UBTD1: variants seen among roughly 807,000 people sequenced by gnomAD.
UBTD1 encodes ubiquitin domain containing 1.
In UBTD1, 19 loss-of-function variants were observed where a neutral mutation model predicts 21.7. That is an observed-to-expected ratio of 0.87 (90% CI 0.61 to 1.28). The LOEUF (loss-of-function observed/expected upper bound fraction) is 1.28, where lower values mean the gene tolerates loss of function less well. UBTD1 is among the 50% of genes most tolerant of loss of function. The probability of loss-of-function intolerance (pLI) is 0.00; values close to 1 mark genes in which losing one functional copy is unlikely to be tolerated. For missense variants in UBTD1, 282 were observed against 315.1 expected (o/e 0.89, Z 0.80); for synonymous variants, 116 against 135.1 (o/e 0.86, Z 0.98).
intron 1 of UBTD1, among the ~76,000 whole-genome samples, chr10:97,563,780 G>A (rs756684877): frequency 2.6e-4 from 39 of 152,242 alleles, no homozygotes; most frequent in Middle Eastern, 6.8e-3. Context: ...ACAAGTTTTC[G>A]GGGTGCAGTC....
chr10:97,528,870 C>T (rs1268892686), intron 1 of UBTD1, among the ~76,000 whole-genome samples: 20 of 147,104 alleles, frequency 1.4e-4, no homozygotes, highest in East Asian at 6.2e-4. Context: ...CCTCACCTCC[C>T]GGATGGGGCG....
intron 1 of UBTD1, among the ~76,000 whole-genome samples, chr10:97,555,851 C>T (rs2040661699): frequency 1.3e-5 from 2 of 152,192 alleles, no homozygotes; most frequent in Admixed American, 1.3e-4. Flanking sequence ...GGCTGCCTGT[C>T]TTTGGTTTTA....
intron 1 of UBTD1, among the ~76,000 whole-genome samples, chr10:97,505,144 A>G (rs114153701): frequency 8.5e-5 from 13 of 152,200 alleles, no homozygotes; most frequent in Admixed American, 7.2e-4. Context: ...TGTGGATTCC[A>G]GGCATCTCTT....
chr10:97,499,334 G>A (rs1420329537), intron 1 of UBTD1, 61 bp downstream of exon 1: 1 of 1,524,430 alleles, frequency 6.6e-7, no homozygotes, highest in South Asian at 1.2e-5. Context: ...CTCCTCGCCC[G>A]AGTCCTGGGC....
chr10:97,521,421 C>T (rs1366347574), intron 1 of UBTD1, among the ~76,000 whole-genome samples: 5 of 152,182 alleles, frequency 3.3e-5, no homozygotes, highest in South Asian at 2.1e-4. Flanking sequence ...AGTGGTCTGA[C>T]GTGGGAACGG....
intron 1 of UBTD1, among the ~76,000 whole-genome samples, chr10:97,548,178 G>C (rs897161111): frequency 6.6e-6 from 1 of 152,224 alleles, no homozygotes; most frequent in Non-Finnish European, 1.5e-5. Context: ...TGAGTAGCCA[G>C]ATTGCAGAGA....
At chr10:97,551,138 T>G (rs2040635062) in intron 1 of UBTD1, among the ~76,000 whole-genome samples, 1 of 152,202 alleles carries the variant, frequency 6.6e-6, no homozygotes, top group South Asian at 2.1e-4. Context: ...TGAGAATCTG[T>G]CTTTTGAACC....
chr10:97,567,831 C>T, intron 1 of UBTD1, 83 bp from the exon 2 acceptor site: 1 of 1,345,574 alleles, frequency 7.4e-7, no homozygotes, highest in Non-Finnish European at 1.0e-6. Flanking sequence ...AGGGTCTGGC[C>T]TGGGGAGGGG....
chr10:97,564,755 G>A (rs1182745657), intron 1 of UBTD1, among the ~76,000 whole-genome samples: 1 of 152,094 alleles, frequency 6.6e-6, no homozygotes, highest in East Asian at 1.9e-4. Context: ...GTAGAGATGG[G>A]ATTTCACAGT....
intron 1 of UBTD1, among the ~76,000 whole-genome samples, chr10:97,515,607 T>C (rs183007639): frequency 1.3e-5 from 2 of 152,194 alleles, no homozygotes. Context: ...CCCTGTTAGA[T>C]TCTCCCTCTC....
chr10:97,558,359 T>G (rs376948543), intron 1 of UBTD1, among the ~76,000 whole-genome samples: 116 of 152,314 alleles, frequency 7.6e-4, no homozygotes, highest in African/African-American at 2.5e-3. Flanking sequence ...TGATGTCCTT[T>G]GGTATTTATT....
chr10:97,519,127 G>A (rs950586946), intron 1 of UBTD1, among the ~76,000 whole-genome samples: 33 of 152,188 alleles, frequency 2.2e-4, no homozygotes, highest in Admixed American at 1.3e-4. Context: ...TCAAGTTTTC[G>A]TTTTCTCTAG....
chr10:97,544,496 A>G (rs1297214505), intron 1 of UBTD1, among the ~76,000 whole-genome samples: 1 of 152,208 alleles, frequency 6.6e-6, no homozygotes, highest in Non-Finnish European at 1.5e-5. Flanking sequence ...TGAACAACGC[A>G]GGGTTAGGAA....
At chr10:97,561,568 C>T (rs2040692962) in intron 1 of UBTD1, among the ~76,000 whole-genome samples, 1 of 152,032 alleles carries the variant, frequency 6.6e-6, no homozygotes. Context: ...AGAAAGAGAA[C>T]AGGGCAGAGA....
Position 97,530,143 on chromosome 10 carries a change from G to A in UBTD1, c.70+30870G>A, listed in dbSNP as rs377566206. On this transcript the variant is annotated intron_variant, in intron 1 of 2. Transcript: ENST00000370664. ...TGACCTTGAGAGCCTTAGTGACTTT[G>A]TGTCCGTGTTCCCCAGCACGGGGCC... Among the ~76,000 whole-genome samples the A allele has an allele frequency of 2.0e-5, 3 of 152,152 alleles. No individual in the cohort carries two copies. The East Asian group carries it at 5.8e-4, about 29-fold the overall frequency.
At chr10:97,546,978 A>G (rs4919110) in intron 1 of UBTD1, among the ~76,000 whole-genome samples, 141,254 of 152,174 alleles carry the variant, frequency 0.93, 66,024 homozygotes, top group Non-Finnish European at 0.99. Flanking sequence ...GACAAGTCAC[A>G]TCACCTTTCA....
intron 1 of UBTD1, among the ~76,000 whole-genome samples, chr10:97,537,806 G>T (rs2040570089): frequency 6.8e-6 from 1 of 146,904 alleles, no homozygotes; most frequent in Non-Finnish European, 1.5e-5. Context: ...GTGTGTGCTT[G>T]TAACAGGCTT....
chr10:97,569,875 T>C (rs2040736460), intron 2 of UBTD1, among the ~76,000 whole-genome samples: 1 of 150,072 alleles, frequency 6.7e-6, no homozygotes, highest in African/African-American at 2.5e-5. Context: ...AGCCCAGGAG[T>C]TCGAGACTAG....
chr10:97,560,922 G>GACAAAA (rs2040689449), intron 1 of UBTD1, among the ~76,000 whole-genome samples: 1 of 85,410 alleles, frequency 1.2e-5, no homozygotes, highest in Non-Finnish European at 3.4e-5. Flanking sequence ...TCCAAGCCAG[G>GACAAAA]TCAAAACCAA....
Sources: gnomAD v4.1 joint callset for allele counts (sites outside exome capture counted in the v4.1 genomes callset) on GRCh38, gnomAD v4.1.1 for gene constraint, MANE v1.5 for transcripts, NCBI Gene and HGNC (gene_info 2026-07-23, HGNC 2026-07-21) for gene names.